The following COL26A1 variants were observed in gnomAD, a reference collection of about 807,000 sequenced individuals.
COL26A1 encodes collagen alpha-1(XXVI) chain.
A neutral mutation model predicts 59.3 loss-of-function variants in COL26A1; 41 were observed. That is an observed-to-expected ratio of 0.69 (90% CI 0.54 to 0.90). The LOEUF is 0.90. Among genes scored for constraint, COL26A1 ranks in the 40% least tolerant of loss-of-function variants. COL26A1 has a pLI of 0.00. For missense variants in COL26A1, 612 were observed against 602.3 expected (o/e 1.02, Z -0.17); for synonymous variants, 266 against 256.0 (o/e 1.04, Z -0.37).
intron 3 of COL26A1, among the ~76,000 whole-genome samples, chr7:101,493,940 A>C (rs2130539073): frequency 6.6e-6 from 1 of 151,890 alleles, no homozygotes; most frequent in East Asian, 1.9e-4. Context: ...CTCAAAAAAA[A>C]AAAAAAAATA....
Position 101,555,775 on chromosome 7 carries a change from C to T in COL26A1, c.1081-12C>T. The T allele has an allele frequency of 6.2e-7, 1 of 1,602,274 alleles. No individual in the cohort carries two copies. Among genetic ancestry groups the T allele is most frequent in the Non-Finnish European group, 8.5e-7 (1 of 1,175,374 alleles). ...TGGCCGGCCCTGACCCTGCCTGTTT[C>T]CTCCCCGCCAGGGCGAGGGGGTGCA... On this transcript the variant is annotated splice_polypyrimidine_tract_variant and intron_variant, in intron 11 of 12. Coordinates refer to ENST00000313669, the MANE Select transcript of COL26A1 (RefSeq NM_001278563.3).
chr7:101,438,395 A>G (rs1023799957), intron 2 of COL26A1, among the ~76,000 whole-genome samples: 1 of 151,568 alleles, frequency 6.6e-6, no homozygotes, highest in Non-Finnish European at 1.5e-5. Flanking sequence ...ACAAACAACA[A>G]AAAAGCATCA....
At chr7:101,547,052 CT>C (rs1050945132) in intron 7 of COL26A1, 103 bp from the exon 8 acceptor site, 3 of 747,464 alleles carry the variant, frequency 4.0e-6, no homozygotes, top group African/African-American at 1.8e-5. Context: ...AGGAGCCCCC[CT>C]GGGCTTCGTG....
chr7:101,470,448 T>C (rs10953342), intron 3 of COL26A1, among the ~76,000 whole-genome samples: 77,153 of 151,434 alleles, frequency 0.51, 20,362 homozygotes, highest in African/African-American at 0.64. Flanking sequence ...TGCAAGCTTC[T>C]GTCTTTCTTC....
At chr7:101,412,129 G>T (rs999107666) in intron 1 of COL26A1, among the ~76,000 whole-genome samples, 1 of 151,998 alleles carries the variant, frequency 6.6e-6, no homozygotes, top group Non-Finnish European at 1.5e-5. Context: ...TGACTCCAGG[G>T]GCAGAGCTTG....
chr7:101,549,705 A>T (rs1445366162), intron 9 of COL26A1, among the ~76,000 whole-genome samples: 2 of 152,292 alleles, frequency 1.3e-5, no homozygotes, highest in East Asian at 3.9e-4. Context: ...TATTAGCAGC[A>T]GTGACTCTTT....
At chr7:101,476,847 AT>A (rs140791070) in intron 3 of COL26A1, among the ~76,000 whole-genome samples, 3,003 of 111,794 alleles carry the variant, frequency 0.027, 82 homozygotes, top group African/African-American at 0.082. Context: ...ATGCCCAGCC[AT>A]TTTTTTTTTT....
intron 1 of COL26A1, among the ~76,000 whole-genome samples, chr7:101,415,157 C>CTTTTTTTTT (rs768628869): frequency 2.0e-5 from 3 of 147,198 alleles, no homozygotes; most frequent in Non-Finnish European, 1.5e-5. Context: ...AACCCCCCCC[C>CTTTTTTTTT]TTTTTTTTTT....
intron 2 of COL26A1, among the ~76,000 whole-genome samples, chr7:101,434,433 C>T (rs895629571): frequency 1.3e-5 from 2 of 151,600 alleles, no homozygotes; most frequent in Non-Finnish European, 2.9e-5. Context: ...TCTTTTTGTT[C>T]TTATTTTTTG....
At chr7:101,489,599 CTTTT>C (rs1491262607) in intron 3 of COL26A1, among the ~76,000 whole-genome samples, 36 of 145,262 alleles carry the variant, frequency 2.5e-4, no homozygotes, top group African/African-American at 8.0e-4. Flanking sequence ...TATTTTCTTT[CTTTT>C]TCTTTCTTTC....
At position 101,409,098 on chromosome 7, in the gene COL26A1, G is replaced by GTGAAGATGATCAGGACACCTTGC. The variant is rs545486073; in HGVS notation, c.159-10877_159-10855dup. 1.3e-3 allele frequency among the ~76,000 whole-genome samples: 194 copies of GTGAAGATGATCAGGACACCTTGC among 152,262 alleles called. 1 individual carries two copies. The highest frequency in any genetic ancestry group is 0.01 in the Middle Eastern group (3 of 294). On this transcript the variant is annotated intron_variant, in intron 1 of 12. Transcript: ENST00000313669. ...AACAGTACTTACCACCCAGATTTGG[G>GTGAAGATGATCAGGACACCTTGC]TGAAGATGATCAGGACACCTTGCTT...
chr7:101,541,828 G>A (rs1278870654), intron 5 of COL26A1, among the ~76,000 whole-genome samples: 2 of 152,182 alleles, frequency 1.3e-5, no homozygotes, highest in Non-Finnish European at 2.9e-5. Context: ...CTTTATCCTG[G>A]AGGACATTTA....
intron 1 of COL26A1, among the ~76,000 whole-genome samples, chr7:101,416,486 G>A (rs1792372637): frequency 1.4e-5 from 2 of 143,666 alleles, no homozygotes; most frequent in African/African-American, 4.9e-5. Flanking sequence ...ATTTCTTCAA[G>A]TACATGCTTC....
At chr7:101,520,736 G>T (rs1795127396) in intron 3 of COL26A1, among the ~76,000 whole-genome samples, 1 of 151,642 alleles carries the variant, frequency 6.6e-6, no homozygotes, top group African/African-American at 2.4e-5. Flanking sequence ...CCCCTCTCAT[G>T]CTCCTTCCCC....
intron 3 of COL26A1, among the ~76,000 whole-genome samples, chr7:101,528,964 G>A (rs1281756286): frequency 6.6e-6 from 1 of 152,062 alleles, no homozygotes; most frequent in East Asian, 1.9e-4. Flanking sequence ...TCAGGAGTTC[G>A]AGACCAGCCT....
intron 3 of COL26A1, among the ~76,000 whole-genome samples, chr7:101,514,758 G>A (rs1398284588): frequency 6.6e-6 from 1 of 152,204 alleles, no homozygotes; most frequent in Non-Finnish European, 1.5e-5. Flanking sequence ...GGGTAACCGG[G>A]CAAGGCTGCC....
chr7:101,516,323 T>C (rs1442678653), intron 3 of COL26A1, among the ~76,000 whole-genome samples: 1 of 152,104 alleles, frequency 6.6e-6, no homozygotes, highest in Non-Finnish European at 1.5e-5. Context: ...CAGACTGGAG[T>C]GCAGTGGCAA....
At chr7:101,492,116 G>A (rs1160388680) in intron 3 of COL26A1, among the ~76,000 whole-genome samples, 2 of 152,142 alleles carry the variant, frequency 1.3e-5, no homozygotes, top group African/African-American at 4.8e-5. Flanking sequence ...CCGCTGGTAA[G>A]CCTGGATGTT....
At chr7:101,474,847 T>A (rs1176987569) in intron 3 of COL26A1, among the ~76,000 whole-genome samples, 1 of 152,192 alleles carries the variant, frequency 6.6e-6, no homozygotes, top group Non-Finnish European at 1.5e-5. Context: ...ATTTTTATGC[T>A]AAATTTGATA....
Sources: gnomAD v4.1 joint callset for allele counts (sites outside exome capture counted in the v4.1 genomes callset) on GRCh38, gnomAD v4.1.1 for gene constraint, MANE v1.5 for transcripts, NCBI Gene and HGNC (gene_info 2026-07-23, HGNC 2026-07-21) for gene names.